The following SMYD3 variants were observed in gnomAD, a reference collection of about 807,000 sequenced individuals.
SMYD3 encodes the protein histone-lysine N-methyltransferase SMYD3.
In SMYD3, 36 loss-of-function variants were observed where a neutral mutation model predicts 57.7. The ratio of observed to expected loss-of-function variants is 0.62; its 90% CI spans 0.48 to 0.82. The LOEUF (loss-of-function observed/expected upper bound fraction) is 0.82, where lower values mean the gene tolerates loss of function less well. Among genes scored for constraint, SMYD3 ranks in the 40% least tolerant of loss-of-function variants. SMYD3 has a pLI of 0.00. For synonymous variants in SMYD3, 211 were observed against 195.0 expected (o/e 1.08, Z -0.68); for missense variants, 515 against 538.8 (o/e 0.96, Z 0.44).
chr1:246,260,087 A>G (rs915308794), intron 5 of SMYD3, among the ~76,000 whole-genome samples: 2 of 152,192 alleles, frequency 1.3e-5, no homozygotes, highest in Non-Finnish European at 2.9e-5. Context: ...TGGAGCAGAG[A>G]GAGTCCCCCT....
At chr1:246,221,840 T>C (rs2063260175) in intron 5 of SMYD3, among the ~76,000 whole-genome samples, 1 of 151,950 alleles carries the variant, frequency 6.6e-6, no homozygotes, top group South Asian at 2.1e-4. Context: ...CCAGGGCGAG[T>C]GGGTGGAACA....
chr1:246,219,897 T>C (rs4654093), intron 5 of SMYD3, among the ~76,000 whole-genome samples: 26,975 of 152,106 alleles, frequency 0.18, 2,784 homozygotes, highest in East Asian at 0.34. Flanking sequence ...GGTGCCGTAG[T>C]GGCTGGCTGA....
At chr1:245,865,462 A>G (rs996085810) in intron 8 of SMYD3, among the ~76,000 whole-genome samples, 4 of 152,190 alleles carry the variant, frequency 2.6e-5, no homozygotes, top group Non-Finnish European at 4.4e-5. Context: ...CACTGATCAT[A>G]CCCAGTTTAT....
intron 5 of SMYD3, among the ~76,000 whole-genome samples, chr1:246,256,887 AT>A (rs139525543): frequency 2.0e-5 from 3 of 151,852 alleles, no homozygotes; most frequent in African/African-American, 7.3e-5. Flanking sequence ...ATTTATTTAA[AT>A]TTTTTTTATT....
chr1:246,122,750 A>G (rs2061443000), intron 5 of SMYD3, among the ~76,000 whole-genome samples: 1 of 152,232 alleles, frequency 6.6e-6, no homozygotes, highest in Non-Finnish European at 1.5e-5. Context: ...TATGGTGACC[A>G]GGCCGAACTC....
chr1:246,271,109 T>G (rs1170569875), intron 5 of SMYD3, among the ~76,000 whole-genome samples: 1 of 152,212 alleles, frequency 6.6e-6, no homozygotes, highest in Non-Finnish European at 1.5e-5. Flanking sequence ...GCGTATCTTC[T>G]TTGGAAAAAT....
At chr1:245,914,736 G>A (rs1244060336) in intron 8 of SMYD3, among the ~76,000 whole-genome samples, 1 of 152,162 alleles carries the variant, frequency 6.6e-6, no homozygotes, top group Admixed American at 6.5e-5. Context: ...AACGCTAAAA[G>A]AGGATTTTGA....
chr1:246,506,840 C>CA (rs1191274290), intron 1 of SMYD3, among the ~76,000 whole-genome samples: 27 of 152,098 alleles, frequency 1.8e-4, no homozygotes. Flanking sequence ...GGGCCCCCTC[C>CA]CAGCCCCGCT....
chr1:246,463,415 T>C (rs2067831352), intron 1 of SMYD3, among the ~76,000 whole-genome samples: 1 of 151,968 alleles, frequency 6.6e-6, no homozygotes, highest in Admixed American at 6.6e-5. Flanking sequence ...ATAAGGAAGG[T>C]AGGAGAGAAG....
intron 8 of SMYD3, 55 bp from the exon 9 acceptor site, chr1:245,863,941 G>A (rs1448811986): frequency 2.0e-6 from 3 of 1,490,896 alleles, no homozygotes; most frequent in Non-Finnish European, 9.4e-7. Context: ...GGCAAAGGAC[G>A]TGAATAGACC....
intron 10 of SMYD3, among the ~76,000 whole-genome samples, chr1:245,792,022 A>C (rs1315014805): frequency 6.6e-6 from 1 of 150,678 alleles, no homozygotes; most frequent in Non-Finnish European, 1.5e-5. Flanking sequence ...TGTTCGATGA[A>C]ATTTGATTTA....
At chr1:246,041,831 G>A (rs1387967262) in intron 5 of SMYD3, among the ~76,000 whole-genome samples, 1 of 151,754 alleles carries the variant, frequency 6.6e-6, no homozygotes, top group Non-Finnish European at 1.5e-5. Context: ...AAAAAAAAAG[G>A]GTGACTAAAT....
chr1:246,412,873 A>AG (rs1173494388), intron 1 of SMYD3, among the ~76,000 whole-genome samples: 1 of 151,956 alleles, frequency 6.6e-6, no homozygotes, highest in Non-Finnish European at 1.5e-5. Flanking sequence ...AAAAAAAAAA[A>AG]AAGAAGTGGG....
At chr1:245,958,707 T>G (rs561791857) in intron 5 of SMYD3, among the ~76,000 whole-genome samples, 2 of 152,200 alleles carry the variant, frequency 1.3e-5, no homozygotes, top group African/African-American at 4.8e-5. Flanking sequence ...AAGCTACATT[T>G]TATCCTACTT....
rs2055349968 is a variant in SMYD3 at position 245,915,608 on chromosome 1, G to A, written c.735C>T (p.Thr245=). The A allele has an allele frequency of 6.2e-7, 1 of 1,613,886 alleles. No individual in the cohort carries two copies. The highest frequency in any genetic ancestry group is 1.3e-5 in the African/African-American group (1 of 75,010). The change falls in exon 8 of 12, where the codon ACC becomes ACT. Residue 245 remains threonine (T), a synonymous_variant. Coordinates refer to ENST00000490107, the MANE Select transcript of SMYD3 (RefSeq NM_001167740.2). ...LTICYLDMLM[T]SEERRKQLRD... ...TCAGCTGCTTCCGGCGCTCCTCACT[G>A]GTCATCAGCATATCCAGGTAGCAGA...
At chr1:246,024,739 G>T (rs1190284162) in intron 5 of SMYD3, among the ~76,000 whole-genome samples, 1 of 68,916 alleles carries the variant, frequency 1.5e-5, no homozygotes, top group African/African-American at 9.8e-5. Flanking sequence ...GATACAGGAA[G>T]TGGACAGCAT....
At chr1:246,201,903 CT>C (rs772840298) in intron 5 of SMYD3, among the ~76,000 whole-genome samples, 3 of 151,840 alleles carry the variant, frequency 2.0e-5, no homozygotes, top group Non-Finnish European at 4.4e-5. Context: ...ATCCCAGCTA[CT>C]CAGGAGGCTG....
intron 5 of SMYD3, chr1:246,322,527 G>T (rs1282587479): frequency 6.6e-6 from 1 of 152,040 alleles, no homozygotes; most frequent in East Asian, 1.9e-4. Flanking sequence ...CAGCAGAGAT[G>T]AAATTGGCCT....
intron 1 of SMYD3, among the ~76,000 whole-genome samples, chr1:246,403,018 C>T (rs1201712779): frequency 6.6e-6 from 1 of 152,192 alleles, no homozygotes; most frequent in Non-Finnish European, 1.5e-5. Context: ...CCCCATTCTA[C>T]CCGAACTGTC....
Sources: allele counts gnomAD v4.1 joint callset (sites outside exome capture counted in the v4.1 genomes callset), GRCh38; gene constraint gnomAD v4.1.1; transcripts MANE v1.5; gene names NCBI Gene and HGNC (gene_info 2026-07-23, HGNC 2026-07-21).